The following NCOR2 variants were observed in gnomAD, a reference collection of about 807,000 sequenced individuals.
The protein encoded by NCOR2 is CTG repeat protein 26.
Under a neutral mutation model 262.9 loss-of-function variants are expected in NCOR2, and 81 were observed. The ratio of observed to expected loss-of-function variants is 0.31; its 90% confidence interval spans 0.26 to 0.37. The LOEUF (loss-of-function observed/expected upper bound fraction) is 0.37, where lower values mean the gene tolerates loss of function less well. Among genes scored for constraint, NCOR2 ranks in the 10% least tolerant of loss-of-function variants. The pLI, the probability that NCOR2 is intolerant of heterozygous loss-of-function variation, is 1.00. For synonymous variants in NCOR2, 1,659 were observed against 1,559.3 expected (o/e 1.06, Z -1.51); for missense variants, 3,385 against 3,621.4 (o/e 0.93, Z 1.68).
intron 28 of NCOR2, among the ~76,000 whole-genome samples, chr12:124,349,092 G>C (rs2037197748): frequency 6.6e-6 from 1 of 152,240 alleles, no homozygotes; most frequent in Non-Finnish European, 1.5e-5. Flanking sequence ...GTCTGCGTGT[G>C]CACGGAGAGG....
At position 124,374,293 on chromosome 12, in the gene NCOR2, G is replaced by A. The variant is rs1349777465; in HGVS notation, c.2218+120C>T. On this transcript the variant is annotated intron_variant, in intron 19 of 46. Coordinates refer to ENST00000405201, the Ensembl canonical transcript of NCOR2. ...AGCCCAGAGGCCGCGGAGCACAAAC[G>A]GTGGCGCTCACAGAAAGAGGCATGT... is the stretch of plus-strand genomic sequence containing the variant. 4.0e-6 allele frequency: 4 copies of A among 1,010,114 alleles called. No individual in the cohort carries two copies. In the South Asian group the frequency reaches 4.3e-5, roughly 11 times the overall value. 62.6% of individuals were successfully genotyped at this position (1,010,114 alleles called of 1,614,324 possible).
chr12:124,431,416 A>G (rs1237227262), intron 8 of NCOR2, among the ~76,000 whole-genome samples: 3 of 151,362 alleles, frequency 2.0e-5, no homozygotes, highest in Non-Finnish European at 4.4e-5. Flanking sequence ...AGGCAGACAG[A>G]CAGACAGACA....
At chr12:124,426,433 C>T (rs2043553842) in intron 11 of NCOR2, among the ~76,000 whole-genome samples, 189 bp downstream of exon 13, 1 of 152,312 alleles carries the variant, frequency 6.6e-6, no homozygotes, top group South Asian at 2.1e-4. Context: ...TTACGGCCCC[C>T]AGAAAGAACC....
chr12:124,543,289 A>T (rs892095325), intron 1 of NCOR2, among the ~76,000 whole-genome samples: 1 of 152,226 alleles, frequency 6.6e-6, no homozygotes, highest in Admixed American at 6.5e-5. Context: ...CCCAACAAGG[A>T]AGGCTGCACT....
chr12:124,447,179 C>T (rs992778040), intron 7 of NCOR2, among the ~76,000 whole-genome samples: 2 of 152,174 alleles, frequency 1.3e-5, no homozygotes, highest in East Asian at 1.9e-4. Flanking sequence ...CCTTCCAAAG[C>T]GCGGGGATTA....
Position 124,440,886 on chromosome 12 carries a change from C to T in NCOR2, c.816-2890G>A, listed in dbSNP as rs973635427. On this transcript the variant is annotated intron_variant, in intron 7 of 46. Transcript: ENST00000405201. The surrounding 1 kb of genome is among the most constrained non-coding windows in gnomAD (Gnocchi z 5.7). ...AGATCCAGAAGGAAGGGAACTCCAG[C>T]TGGAGGGCACCGCAGGAGACAGGAA... 1.3e-5 allele frequency among the ~76,000 whole-genome samples: 2 copies of T among 152,102 alleles called. No homozygotes were observed. The highest frequency in any genetic ancestry group is 4.8e-5 in the African/African-American group (2 of 41,412).
At chr12:124,335,527 A>T (rs756804868) in exon 39 of NCOR2, 13 of 1,608,782 alleles carry the variant, frequency 8.1e-6, no homozygotes, top group African/African-American at 1.3e-5. Context: ...GCTCTTGTCG[A>T]GCTCTTCCAG....
At position 124,454,148 on chromosome 12, in the gene NCOR2, G is replaced by A. The variant is rs990612659; in HGVS notation, c.762+2958C>T. Among the ~76,000 whole-genome samples the A allele has an allele frequency of 6.6e-6, 1 of 152,134 alleles. No homozygotes were observed. Among genetic ancestry groups the A allele is most frequent in the Non-Finnish European group, 1.5e-5 (1 of 68,006 alleles). ...CAGATCTGTGCAGAACTGGCCGGCCGCTCTCCCAGGGGCTCAGCACACCTC... is the reference window on the plus strand; with the variant it reads ...CAGATCTGTGCAGAACTGGCCGGCCACTCTCCCAGGGGCTCAGCACACCTC... On this transcript the variant is annotated intron_variant, in intron 6 of 46. Transcript: ENST00000405201. The surrounding 1 kb of genome is among the most constrained non-coding windows in gnomAD (Gnocchi z 5.6).
intron 13 of NCOR2, among the ~76,000 whole-genome samples, chr12:124,419,450 G>A (rs762260073): frequency 6.6e-6 from 1 of 152,184 alleles, no homozygotes; most frequent in African/African-American, 2.4e-5. Flanking sequence ...CTGCTCTAGC[G>A]TAAATAATCT....
At chr12:124,372,163 C>T in exon 20 of NCOR2, 2 of 1,601,328 alleles carry the variant, frequency 1.2e-6, no homozygotes, top group Non-Finnish European at 1.7e-6. Flanking sequence ...CTTGAGCGCC[C>T]CCTCGGCCGT....
At chr12:124,434,107 G>C (rs1047245327) in intron 8 of NCOR2, among the ~76,000 whole-genome samples, 1 of 152,126 alleles carries the variant, frequency 6.6e-6, no homozygotes, top group Non-Finnish European at 1.5e-5. Context: ...GGCAGGCTTG[G>C]GGGGCTGTGC....
intron 3 of NCOR2, among the ~76,000 whole-genome samples, chr12:124,477,042 T>C (rs906890548): frequency 3.3e-5 from 5 of 151,286 alleles, no homozygotes; most frequent in African/African-American, 7.3e-5. Context: ...ATGTCCAGAA[T>C]AGGCAAATCC....
intron 1 of NCOR2, among the ~76,000 whole-genome samples, chr12:124,525,823 C>A (rs772112626): frequency 1.3e-5 from 2 of 152,204 alleles, no homozygotes; most frequent in Non-Finnish European, 2.9e-5. Flanking sequence ...AACTGGGCGA[C>A]CTTGGACAAG....
intron 13 of NCOR2, among the ~76,000 whole-genome samples, chr12:124,410,700 T>A (rs1565917955): frequency 6.6e-6 from 1 of 152,074 alleles, no homozygotes; most frequent in Non-Finnish European, 1.5e-5. Flanking sequence ...GTCCCCACCA[T>A]CAAGTGACTT....
At chr12:124,530,239 G>C (rs145760996) in intron 1 of NCOR2, 112 of 151,628 alleles carry the variant, frequency 7.4e-4, no homozygotes, top group African/African-American at 2.4e-3. Flanking sequence ...AATTCTAGAA[G>C]AGTTAAAAGC....
At chr12:124,474,490 A>G (rs979356055) in intron 3 of NCOR2, among the ~76,000 whole-genome samples, 8 of 152,170 alleles carry the variant, frequency 5.3e-5, no homozygotes, top group Non-Finnish European at 1.5e-5. Flanking sequence ...CCCACCAGCT[A>G]AAGTCTGGTG....
intron 16 of NCOR2, among the ~76,000 whole-genome samples, chr12:124,390,386 G>T (rs985070973): frequency 2.6e-5 from 4 of 152,082 alleles, no homozygotes; most frequent in Non-Finnish European, 4.4e-5. Flanking sequence ...TGCCTCCACG[G>T]GTTTTCTCAC....
rs919726730 is a variant in NCOR2 at position 124,338,323 on chromosome 12, C to T, written c.5688-1143G>A. 6.6e-5 allele frequency among the ~76,000 whole-genome samples: 10 copies of T among 152,082 alleles called. No individual in the cohort carries two copies. The South Asian group carries it at 8.3e-4, about 13-fold the overall frequency. On this transcript the variant is annotated intron_variant, in intron 37 of 46. Transcript: ENST00000405201. ...AGAAGTTTGAGACCAGCCTGGCCAA[C>T]GTGGTGAAACCGCATTTCTACTAAA...
At chr12:124,565,505 G>A (rs2137309560) in intron 1 of NCOR2, among the ~76,000 whole-genome samples, 1 of 152,224 alleles carries the variant, frequency 6.6e-6, no homozygotes, top group East Asian at 1.9e-4. Flanking sequence ...CTCCGGACAA[G>A]CAGAGGGGAG....
Sources: gnomAD v4.1 joint callset for allele counts (sites outside exome capture counted in the v4.1 genomes callset) on GRCh38, gnomAD v4.1.1 for gene constraint, Gnocchi (gnomAD v3.1) non-coding constraint, MANE v1.5 for transcripts, NCBI Gene and HGNC (gene_info 2026-07-23, HGNC 2026-07-21) for gene names.